Variants in CHP1 observed in about 807,000 individuals in gnomAD.
The protein encoded by CHP1 is calcineurin B homologous protein 1.
Under a neutral mutation model 27.4 loss-of-function variants are expected in CHP1, and 11 were observed. The ratio of observed to expected loss-of-function variants is 0.40; its 90% CI spans 0.25 to 0.67. The LOEUF is 0.67. Among genes scored for constraint, CHP1 ranks in the 30% least tolerant of loss-of-function variants. The probability of loss-of-function intolerance (pLI) is 0.38; values close to 1 mark genes in which losing one functional copy is unlikely to be tolerated. For missense variants in CHP1, 169 were observed against 251.3 expected (o/e 0.67, Z 2.22); for synonymous variants, 89 against 87.4 (o/e 1.02, Z -0.10).
At position 41,244,155 on chromosome 15, in the gene CHP1, G is replaced by T. The variant is rs1312281923; in HGVS notation, c.140+416G>T. On this transcript the variant is annotated intron_variant, in intron 2 of 6. Transcript: ENST00000334660. ...AGAGGTCGCAGTGAGCAAAGATCAC[G>T]CCACTGCACTCCAGCCTCGGCAACA... Among the ~76,000 whole-genome samples the T allele has an allele frequency of 1.4e-5, 2 of 146,200 alleles. 1 individual carries two copies. Among genetic ancestry groups the T allele is most frequent in the Non-Finnish European group, 3.0e-5 (2 of 67,228 alleles).
In CHP1 at chr15:41,281,186, G is replaced by A. The variant is rs1184485135; in HGVS notation, c.*1797G>A. ...AAAATTCTTTATGAATTTTACACTTGGCAAATGTTAATGACGGAAGCCATA... is the reference window on the plus strand; with the variant it reads ...AAAATTCTTTATGAATTTTACACTTAGCAAATGTTAATGACGGAAGCCATA... On this transcript the variant is annotated 3_prime_UTR_variant, in exon 7 of 7. Transcript: ENST00000334660. 1 of 152,184 alleles carries A rather than the reference G, an allele frequency of 6.6e-6. No homozygotes were observed. Among genetic ancestry groups the A allele is most frequent in the Non-Finnish European group, 1.5e-5 (1 of 68,042 alleles). The allele number at this position is 152,184 out of a possible 1,614,324, so 9.4% of individuals were successfully genotyped here. A position where few individuals can be genotyped will look rare whatever the true frequency, so the allele number is the denominator to read the frequency against.
intron 4 of CHP1, chr15:41,264,067 T>C (rs978903877): frequency 1.8e-6 from 1 of 564,280 alleles, no homozygotes; most frequent in Non-Finnish European, 2.9e-6. Flanking sequence ...CTCTTTACTC[T>C]GCCATCCTCA....
At chr15:41,253,902 A>C (rs1391133299) in intron 2 of CHP1, among the ~76,000 whole-genome samples, 1 of 151,370 alleles carries the variant, frequency 6.6e-6, no homozygotes, top group African/African-American at 2.4e-5. Flanking sequence ...CTCCCGCTTC[A>C]GCTTCCCAAG....
intron 2 of CHP1, among the ~76,000 whole-genome samples, chr15:41,252,570 T>C (rs188298764): frequency 7.9e-5 from 12 of 152,270 alleles, no homozygotes; most frequent in African/African-American, 2.9e-4. Context: ...CAACAACCTG[T>C]GGGTGCTTGA....
At chr15:41,253,016 G>A (rs1399237777) in intron 2 of CHP1, among the ~76,000 whole-genome samples, 1 of 123,620 alleles carries the variant, frequency 8.1e-6, no homozygotes, top group Non-Finnish European at 1.6e-5. Flanking sequence ...TTGGCTCACT[G>A]CAACCTCCAC....
chr15:41,263,228 C>T (rs1341870744), intron 4 of CHP1, among the ~76,000 whole-genome samples: 1 of 152,184 alleles, frequency 6.6e-6, no homozygotes, highest in African/African-American at 2.4e-5. Flanking sequence ...TACCTAGTAT[C>T]ATTATAATTC....
At chr15:41,253,038 AAG>A (rs2047378538) in intron 2 of CHP1, among the ~76,000 whole-genome samples, 1 of 145,882 alleles carries the variant, frequency 6.9e-6, no homozygotes, top group African/African-American at 2.6e-5. Flanking sequence ...TCCCAGGTTC[AAG>A]TGATTCTCCT....
intron 2 of CHP1, among the ~76,000 whole-genome samples, chr15:41,254,656 T>C (rs1181675699): frequency 6.6e-6 from 1 of 152,240 alleles, no homozygotes; most frequent in Non-Finnish European, 1.5e-5. Flanking sequence ...CCAGGATGAT[T>C]GTTCCAGAGC....
intron 1 of CHP1, among the ~76,000 whole-genome samples, chr15:41,237,200 G>A (rs1402804480): frequency 6.7e-6 from 1 of 149,462 alleles, no homozygotes; most frequent in Non-Finnish European, 1.5e-5. Flanking sequence ...AGGCTGGAGT[G>A]CAGTGGCGCG....
chr15:41,279,587 A>C lies in CHP1; in HGVS notation c.*198A>C, dbSNP rs2047535925. The C allele has an allele frequency of 1.8e-6, 1 of 543,846 alleles. No individual in the cohort carries two copies. The highest frequency in any genetic ancestry group is 3.3e-6 in the Non-Finnish European group (1 of 304,000). The allele number at this position is 543,846 out of a possible 1,614,324, so 33.7% of individuals were successfully genotyped here. A position where few individuals can be genotyped will look rare whatever the true frequency, so the allele number is the denominator to read the frequency against. ...AGGGCATTACAGAATGGTACACCCTATATATTTCTGTTCAGTATCCATTCA... is the reference window on the plus strand; with the variant it reads ...AGGGCATTACAGAATGGTACACCCTCTATATTTCTGTTCAGTATCCATTCA... On this transcript the variant is annotated 3_prime_UTR_variant, in exon 7 of 7. Coordinates refer to ENST00000334660, the MANE Select transcript of CHP1 (RefSeq NM_007236.5).
chr15:41,278,773 C>A lies in CHP1; in HGVS notation c.418C>A (p.Arg140Ser). The change falls in exon 6 of 7, where the codon CGC becomes AGC. Residue 140 changes from arginine (R) to serine (S), a missense_variant. By Grantham distance (110) the Arg-to-Ser change is moderately radical (BLOSUM62 -1). Transcript: ENST00000334660. ...CTGGCTCTTGGTCTTCCAGGTGCTA[C>A]GCATGATGGTCGGAGTAAATATCTC... ...ISRDELLQVL[R>S]MMVGVNISDE... 1 of 1,614,088 alleles carries A rather than the reference C, an allele frequency of 6.2e-7. No homozygotes were observed.
At chr15:41,278,387 A>T (rs1301578908) in intron 5 of CHP1, among the ~76,000 whole-genome samples, 1 of 151,636 alleles carries the variant, frequency 6.6e-6, no homozygotes, top group East Asian at 1.9e-4. Flanking sequence ...AGGGCTACAT[A>T]TGCAGGTTAG....
At chr15:41,236,043 A>G (rs1419407577) in intron 1 of CHP1, among the ~76,000 whole-genome samples, 3 of 151,714 alleles carry the variant, frequency 2.0e-5, no homozygotes, top group South Asian at 4.2e-4. Context: ...CTATTTGTCA[A>G]TTAGAGAGGG....
intron 2 of CHP1, among the ~76,000 whole-genome samples, chr15:41,254,457 T>G (rs1163200852): frequency 6.6e-6 from 1 of 152,256 alleles, no homozygotes; most frequent in African/African-American, 2.4e-5. Context: ...TTGATGATAG[T>G]GTAGACTTTG....
At position 41,280,868 on chromosome 15, in the gene CHP1, CT is replaced by C. The variant is rs778260877; in HGVS notation, c.*1487del. On this transcript the variant is annotated 3_prime_UTR_variant, in exon 7 of 7. Coordinates refer to ENST00000334660, the MANE Select transcript of CHP1 (RefSeq NM_007236.5). Reference sequence around the variant, plus strand: ...GTGTCTTGAAGTTTTGCACAAAATTCTTTTTTTTGAGATGGAGTCTCACTCT... The same window carrying C: ...GTGTCTTGAAGTTTTGCACAAAATTCTTTTTTTGAGATGGAGTCTCACTCT... 3 of 147,646 alleles carry C rather than the reference CT, an allele frequency of 2.0e-5. No individual in the cohort carries two copies. Among genetic ancestry groups the C allele is most frequent in the East Asian group, 2.1e-4 (1 of 4,832 alleles). 9.1% of individuals were successfully genotyped at this position (147,646 alleles called of 1,614,324 possible).
At chr15:41,231,833 G>A (rs2047246401) in intron 1 of CHP1, among the ~76,000 whole-genome samples, 1 of 152,068 alleles carries the variant, frequency 6.6e-6, no homozygotes, top group Admixed American at 6.6e-5. Flanking sequence ...AACTCGAGAT[G>A]GATTCTGTAG....
At position 41,281,588 on chromosome 15, in the gene CHP1, A is replaced by G. The variant is rs1428698696; in HGVS notation, c.*2199A>G. On this transcript the variant is annotated 3_prime_UTR_variant, in exon 7 of 7. Transcript: ENST00000334660. ...AAAGTGATGGAAAAGGGTGGAGAAC[A>G]GGGGAGTAGCCAGGCTGGATGGCTC... is the stretch of plus-strand genomic sequence containing the variant. 2 of 152,672 alleles carry G rather than the reference A, an allele frequency of 1.3e-5. No homozygotes were observed. The highest frequency in any genetic ancestry group is 2.9e-5 in the Non-Finnish European group (2 of 68,042). 9.5% of individuals were successfully genotyped at this position (152,672 alleles called of 1,614,324 possible).
At chr15:41,232,208 ATTTTTT>A (rs541011609) in intron 1 of CHP1, among the ~76,000 whole-genome samples, 1 of 131,622 alleles carries the variant, frequency 7.6e-6, no homozygotes, top group East Asian at 2.2e-4. Context: ...CTAGGAACTG[ATTTTTT>A]TTTTTTTTTT....
chr15:41,276,102 A>C (rs1188257680), intron 5 of CHP1, among the ~76,000 whole-genome samples: 1 of 151,934 alleles, frequency 6.6e-6, no homozygotes, highest in Non-Finnish European at 1.5e-5. Context: ...TTAGCCAGGC[A>C]TGCTGTTGGG....
Sources: gnomAD v4.1 joint callset for allele counts (sites outside exome capture counted in the v4.1 genomes callset) on GRCh38, gnomAD v4.1.1 for gene constraint, MANE v1.5 for transcripts, NCBI Gene and HGNC (gene_info 2026-07-23, HGNC 2026-07-21) for gene names.